TET3: variants seen among roughly 807,000 people sequenced by gnomAD.
TET3 encodes methylcytosine dioxygenase TET3.
Under a neutral mutation model 141.4 loss-of-function variants are expected in TET3, and 19 were observed. That is an observed-to-expected ratio of 0.13 (90% confidence interval 0.09 to 0.20). The LOEUF is 0.20. Among genes scored for constraint, TET3 ranks in the 10% least tolerant of loss-of-function variants. The probability of loss-of-function intolerance (pLI) is 1.00; values close to 1 mark genes in which losing one functional copy is unlikely to be tolerated. For missense variants in TET3, 1,874 were observed against 2,356.9 expected, an observed-to-expected ratio of 0.80 and a Z score of 4.24; for synonymous variants, 1,043 against 980.9, an observed-to-expected ratio of 1.06 and a Z score of -1.18.
intron 4 of TET3, among the ~76,000 whole-genome samples, chr2:74,061,966 G>A (rs902870179): frequency 6.1e-5 from 9 of 146,958 alleles, no homozygotes; most frequent in Non-Finnish European, 1.0e-4. Context: ...GGCTCCTCAC[G>A]TCCCAGACAA....
At chr2:74,060,629 G>A (rs937492951) in intron 4 of TET3, among the ~76,000 whole-genome samples, 3 of 152,124 alleles carry the variant, frequency 2.0e-5, no homozygotes, top group Admixed American at 6.5e-5. Flanking sequence ...AGATAAACAA[G>A]TGAACAAAGG....
At chr2:73,985,660 G>A (rs1211848584) in intron 1 of TET3, among the ~76,000 whole-genome samples, 1 of 152,070 alleles carries the variant, frequency 6.6e-6, no homozygotes, top group Admixed American at 6.5e-5. Flanking sequence ...GGGCCCGGCG[G>A]CCTCCAGCCA....
intron 5 of TET3, among the ~76,000 whole-genome samples, chr2:74,079,387 T>A (rs1194110428): frequency 6.6e-6 from 1 of 152,062 alleles, no homozygotes; most frequent in Non-Finnish European, 1.5e-5. Flanking sequence ...CCATCTTAGG[T>A]GCTTTCTTTA....
At chr2:73,991,735 G>A (rs1358864109) in intron 2 of TET3, among the ~76,000 whole-genome samples, 1 of 147,692 alleles carries the variant, frequency 6.8e-6, no homozygotes, top group Non-Finnish European at 1.5e-5. Context: ...AACCCAGGAG[G>A]CAGAGGTTGC....
chr2:74,026,066 G>T lies in TET3; in HGVS notation c.361-20212G>T, dbSNP rs537404368. ...GCAAAGCCTAAGGCAGAGAGGTGGG[G>T]CAGGGCCCAGCTCCCCAGGAAGCTG... On this transcript the variant is annotated intron_variant, in intron 3 of 11. Transcript: ENST00000409262. 2.2e-3 allele frequency among the ~76,000 whole-genome samples: 341 copies of T among 152,332 alleles called. 1 individual carries two copies. The highest frequency in any genetic ancestry group is 7.6e-3 in the African/African-American group (318 of 41,576).
At chr2:74,023,067 C>T (rs77524008) in intron 3 of TET3, among the ~76,000 whole-genome samples, 4 of 152,210 alleles carry the variant, frequency 2.6e-5, no homozygotes, top group South Asian at 2.1e-4. Flanking sequence ...TGAGCCACTG[C>T]GCACGGCCTT....
the TET3 span, chr2:74,135,358 A>G: frequency 1.5e-6 from 1 of 653,290 alleles, no homozygotes; most frequent in Admixed American, 2.6e-5. Context: ...TCTAAAGACA[A>G]GACCCCTTTG....
chr2:74,013,791 G>A (rs571451660), intron 3 of TET3, among the ~76,000 whole-genome samples: 9 of 152,132 alleles, frequency 5.9e-5, no homozygotes, highest in East Asian at 1.9e-4. Context: ...CAGCCTGGGC[G>A]ACAGAGCGAG....
At chr2:74,011,227 CAAAA>C (rs34155044) in intron 3 of TET3, among the ~76,000 whole-genome samples, 1 of 94,380 alleles carries the variant, frequency 1.1e-5, no homozygotes, top group African/African-American at 3.7e-5. Context: ...GACTCCGTTT[CAAAA>C]AAAAAAAAAA....
chr2:74,064,365 G>C (rs1333476707), intron 4 of TET3, among the ~76,000 whole-genome samples: 5 of 152,094 alleles, frequency 3.3e-5, no homozygotes, highest in Non-Finnish European at 2.9e-5. Context: ...CAAAGTTATT[G>C]TGTGTAGAAA....
At chr2:74,063,182 C>T (rs1431020936) in intron 4 of TET3, among the ~76,000 whole-genome samples, 3 of 133,306 alleles carry the variant, frequency 2.3e-5, no homozygotes, top group Admixed American at 1.4e-4. Context: ...CCATGCCTGG[C>T]CTGAAACTTT....
intron 3 of TET3, among the ~76,000 whole-genome samples, chr2:74,025,219 G>A (rs905181239): frequency 1.1e-4 from 13 of 120,628 alleles, no homozygotes; most frequent in Non-Finnish European, 1.5e-4. Flanking sequence ...GCGAGACTCC[G>A]CCTCAAAAAA....
Position 74,105,025 on chromosome 2 carries a change from CTA to C in TET3, c.*2851_*2852del. The C allele has an allele frequency of 2.5e-6, 1 of 397,610 alleles. No homozygotes were observed. Among genetic ancestry groups the C allele is most frequent in the East Asian group, 3.6e-5 (1 of 28,068 alleles). The allele number at this position is 397,610 out of a possible 1,614,324, so 24.6% of individuals were successfully genotyped here. ...CTTTAGACATATATTTAAAAAGTAA[CTA>C]TGCACAGCTCTTTATCCCCCCCTTG... is the stretch of plus-strand genomic sequence containing the variant. On this transcript the variant is annotated 3_prime_UTR_variant, in exon 12 of 12. Transcript: ENST00000409262.
chr2:74,089,770 A>AT, intron 7 of TET3, 127 bp from the exon 8 acceptor site: 1 of 1,266,804 alleles, frequency 7.9e-7, no homozygotes, highest in Non-Finnish European at 1.1e-6. Context: ...GTGGGGAAGG[A>AT]TGAGTCTCAG....
chr2:74,099,949 TGGGTGTGTGCCAGGGCAGCA>T (rs1456992686), intron 11 of TET3, among the ~76,000 whole-genome samples: 1 of 152,040 alleles, frequency 6.6e-6, no homozygotes, highest in Non-Finnish European at 1.5e-5. Context: ...TCAGGACATG[TGGGTGTGTGCCAGGGCAGCA>T]GGGCTTATGG....
chr2:74,069,895 G>A (rs1261546881), intron 4 of TET3, among the ~76,000 whole-genome samples: 4 of 152,088 alleles, frequency 2.6e-5, no homozygotes, highest in Admixed American at 6.6e-5. Context: ...ACCGTGCCCC[G>A]ACCTGTATGC....
intron 2 of TET3, chr2:73,993,425 C>T (rs1037934739): frequency 6.6e-6 from 1 of 152,224 alleles, no homozygotes; most frequent in African/African-American, 2.4e-5. Flanking sequence ...TTAACCAGAT[C>T]CCCAGGTGAT....
intron 5 of TET3, among the ~76,000 whole-genome samples, chr2:74,076,843 G>T (rs147250605): frequency 6.6e-6 from 1 of 152,164 alleles, no homozygotes; most frequent in Non-Finnish European, 1.5e-5. Flanking sequence ...GCAGGGAGGG[G>T]AAGTAAACTG....
At position 73,986,212 on chromosome 2, in the gene TET3, G is replaced by A. The variant is rs137885121; in HGVS notation, c.-192G>A. ...GGGAGAGTGGCCCCCTACGGAGTCC[G>A]ATCAGACTGCTGCAGAGGAGGTGAA... On this transcript the variant is annotated 5_prime_UTR_variant, in exon 2 of 12. Transcript: ENST00000409262. 4.6e-6 allele frequency: 2 copies of A among 433,678 alleles called. No individual in the cohort carries two copies. Among genetic ancestry groups the A allele is most frequent in the East Asian group, 3.6e-5 (1 of 27,742 alleles). The allele number at this position is 433,678 out of a possible 1,614,324, so 26.9% of individuals were successfully genotyped here. A position where few individuals can be genotyped will look rare whatever the true frequency, so the allele number is the denominator to read the frequency against.
Sources: allele counts gnomAD v4.1 joint callset (sites outside exome capture counted in the v4.1 genomes callset), GRCh38; gene constraint gnomAD v4.1.1; transcripts MANE v1.5; gene names NCBI Gene and HGNC (gene_info 2026-07-23, HGNC 2026-07-21).